The following DCC variants were observed in gnomAD, a reference collection of about 807,000 sequenced individuals.
DCC encodes the protein DCC netrin 1 receptor.
In DCC, 58 loss-of-function variants were observed where a neutral mutation model predicts 172.5. The ratio of observed to expected loss-of-function variants is 0.34; its 90% CI spans 0.27 to 0.42. The LOEUF (loss-of-function observed/expected upper bound fraction) is 0.42, where lower values mean the gene tolerates loss of function less well. Ranked by LOEUF, DCC falls within the 10% of genes least tolerant of loss-of-function variation. The pLI, the probability that DCC is intolerant of heterozygous loss-of-function variation, is 1.00. For missense variants in DCC, 1,740 were observed against 1,791.0 expected (o/e 0.97, Z 0.51); for synonymous variants, 709 against 644.5 (o/e 1.10, Z -1.52).
intron 12 of DCC, among the ~76,000 whole-genome samples, chr18:53,283,210 T>G (rs1221153142): frequency 6.6e-6 from 1 of 152,198 alleles, no homozygotes; most frequent in Non-Finnish European, 1.5e-5. Flanking sequence ...ATGAATAAGC[T>G]GAACCCTGAA....
chr18:53,359,681 T>C (rs748016103), intron 15 of DCC, among the ~76,000 whole-genome samples: 2 of 152,220 alleles, frequency 1.3e-5, no homozygotes, highest in African/African-American at 4.8e-5. Flanking sequence ...AAAGGAAAGA[T>C]GATTAATCTG....
chr18:52,609,841 A>C (rs1304982044), intron 1 of DCC, among the ~76,000 whole-genome samples: 2 of 152,042 alleles, frequency 1.3e-5, no homozygotes, highest in Non-Finnish European at 2.9e-5. Flanking sequence ...ATCTTACAAG[A>C]AAAGCCCATA....
chr18:53,114,306 A>G (rs2043379153), intron 7 of DCC, among the ~76,000 whole-genome samples: 1 of 147,860 alleles, frequency 6.8e-6, no homozygotes, highest in Admixed American at 6.8e-5. Context: ...AATTATTTTT[A>G]AATAGTTAGG....
chr18:52,626,841 G>A (rs1294564976), intron 1 of DCC, among the ~76,000 whole-genome samples: 2 of 152,176 alleles, frequency 1.3e-5, no homozygotes, highest in African/African-American at 4.8e-5. Flanking sequence ...ATGGGAGAAA[G>A]TATGTAGTTA....
chr18:53,354,257 T>C (rs574044230), intron 15 of DCC, among the ~76,000 whole-genome samples: 1 of 152,358 alleles, frequency 6.6e-6, no homozygotes, highest in East Asian at 1.9e-4. Flanking sequence ...GCATGCTTTA[T>C]AATCCTTTGG....
intron 7 of DCC, among the ~76,000 whole-genome samples, chr18:53,141,242 A>G (rs1235862759): frequency 6.6e-6 from 1 of 152,200 alleles, no homozygotes. Flanking sequence ...GCTAAAAAAT[A>G]GTGAAATGAT....
chr18:53,338,710 A>G (rs1038490710), intron 14 of DCC, among the ~76,000 whole-genome samples: 3 of 152,248 alleles, frequency 2.0e-5, no homozygotes, highest in African/African-American at 7.2e-5. Context: ...ACAATTTATT[A>G]TTAAAACATA....
chr18:53,287,593 C>T (rs1345952516), intron 12 of DCC, among the ~76,000 whole-genome samples: 2 of 152,182 alleles, frequency 1.3e-5, no homozygotes, highest in Non-Finnish European at 2.9e-5. Context: ...CATCAATTTA[C>T]ATTCCCACAA....
intron 13 of DCC, among the ~76,000 whole-genome samples, chr18:53,319,367 C>T (rs2057380973): frequency 6.6e-6 from 1 of 151,886 alleles, no homozygotes; most frequent in African/African-American, 2.4e-5. Context: ...TCAGGAGACC[C>T]ATCTCACTTG....
At chr18:53,429,502 T>A (rs1275874084) in intron 21 of DCC, among the ~76,000 whole-genome samples, 1 of 152,060 alleles carries the variant, frequency 6.6e-6, no homozygotes, top group Non-Finnish European at 1.5e-5. Context: ...TAAGGATTTT[T>A]AAAAAATGAA....
At chr18:52,926,848 T>TAC (rs1365328428) in intron 5 of DCC, among the ~76,000 whole-genome samples, 5 of 145,134 alleles carry the variant, frequency 3.4e-5, no homozygotes, top group African/African-American at 7.5e-5. Context: ...CACACACACA[T>TAC]ATACGTGTGT....
At chr18:52,772,205 G>C (rs1427518493) in intron 2 of DCC, among the ~76,000 whole-genome samples, 1 of 152,138 alleles carries the variant, frequency 6.6e-6, no homozygotes, top group African/African-American at 2.4e-5. Context: ...AATTTATGCT[G>C]AATATCTCTT....
At chr18:53,513,350 G>A (rs1254564403) in intron 27 of DCC, among the ~76,000 whole-genome samples, 1 of 152,212 alleles carries the variant, frequency 6.6e-6, no homozygotes, top group Non-Finnish European at 1.5e-5. Context: ...ACCAGCCGCT[G>A]CAAAATTATG....
At chr18:53,358,530 C>CTCTTT (rs74180418) in intron 15 of DCC, among the ~76,000 whole-genome samples, 36 of 95,926 alleles carry the variant, frequency 3.8e-4, no homozygotes, top group African/African-American at 1.3e-3. Context: ...TTCTCTCTCT[C>CTCTTT]TTTTTTTTTT....
chr18:53,471,022 A>T (rs2045689390), intron 25 of DCC, among the ~76,000 whole-genome samples: 1 of 152,316 alleles, frequency 6.6e-6, no homozygotes, highest in South Asian at 2.1e-4. Context: ...TTTTCAAAAC[A>T]TTTCCCAAAT....
At chr18:53,070,571 T>G (rs2144104291) in intron 7 of DCC, among the ~76,000 whole-genome samples, 1 of 152,298 alleles carries the variant, frequency 6.6e-6, no homozygotes, top group Non-Finnish European at 1.5e-5. Flanking sequence ...TAGGTCTATG[T>G]GACCATAAAG....
chr18:53,142,030 G>A, intron 7 of DCC, among the ~76,000 whole-genome samples: 1 of 152,188 alleles, frequency 6.6e-6, no homozygotes, highest in East Asian at 1.9e-4. Flanking sequence ...TGCCCTCTGG[G>A]AATTTGCTAT....
At chr18:53,431,354 A>G (rs976680057) in intron 21 of DCC, among the ~76,000 whole-genome samples, 3 of 151,798 alleles carry the variant, frequency 2.0e-5, no homozygotes, top group Non-Finnish European at 4.4e-5. Flanking sequence ...ACTCTTTAAT[A>G]TCTCATTCCT....
At chr18:53,053,403 A>C (rs1370492769) in intron 5 of DCC, among the ~76,000 whole-genome samples, 1 of 151,874 alleles carries the variant, frequency 6.6e-6, no homozygotes, top group Non-Finnish European at 1.5e-5. Context: ...TCATTCTTTG[A>C]CTGCTGTGGG....
Sources: gnomAD v4.1 joint callset for allele counts (sites outside exome capture counted in the v4.1 genomes callset) on GRCh38, gnomAD v4.1.1 for gene constraint, MANE v1.5 for transcripts, NCBI Gene and HGNC (gene_info 2026-07-23, HGNC 2026-07-21) for gene names.